INO80: variants seen among roughly 807,000 people sequenced by gnomAD.
INO80 encodes the protein INO80 complex ATPase subunit.
In INO80, 20 loss-of-function variants were observed where a neutral mutation model predicts 203.4. That is an observed-to-expected ratio of 0.10 (90% CI 0.07 to 0.14). The LOEUF (loss-of-function observed/expected upper bound fraction) is 0.14, where lower values mean the gene tolerates loss of function less well. Among genes scored for constraint, INO80 ranks in the 10% least tolerant of loss-of-function variants. INO80 has a pLI of 1.00. For synonymous variants in INO80, 726 were observed against 685.2 expected (o/e 1.06, Z -0.93); for missense variants, 1,419 against 1,914.4 (o/e 0.74, Z 4.83).
At chr15:40,991,306 G>T (rs550581428) in intron 29 of INO80, among the ~76,000 whole-genome samples, 1 of 152,252 alleles carries the variant, frequency 6.6e-6, no homozygotes, top group East Asian at 1.9e-4. Flanking sequence ...CTGTGCAGCG[G>T]AAAATATGAA....
At chr15:40,997,652 G>A in intron 28 of INO80, 51 bp from the exon 29 acceptor site, 3 of 1,209,168 alleles carry the variant, frequency 2.5e-6, no homozygotes, top group Non-Finnish European at 3.7e-6. Flanking sequence ...AGAAAAAATG[G>A]CATGTATCAA....
At chr15:41,104,799 C>A (rs1399711310) in intron 1 of INO80, among the ~76,000 whole-genome samples, 1 of 152,124 alleles carries the variant, frequency 6.6e-6, no homozygotes, top group Non-Finnish European at 1.5e-5. Flanking sequence ...CTTGGCCTCC[C>A]AAAGTGCTGG....
intron 26 of INO80, among the ~76,000 whole-genome samples, chr15:41,019,787 C>T (rs1208053545): frequency 6.6e-6 from 1 of 152,228 alleles, no homozygotes; most frequent in Non-Finnish European, 1.5e-5. Context: ...CAGGCTGGGG[C>T]AAACCCCTTG....
chr15:40,997,606 A>C lies in INO80; in HGVS notation c.3498-5T>G. Reference sequence around the variant, plus strand: ...AGGAACACAAAGATGTCATTCCTGCAGAAAAGGGAGAGATATGTTAAAGGA... The same window carrying C: ...AGGAACACAAAGATGTCATTCCTGCCGAAAAGGGAGAGATATGTTAAAGGA... On this transcript the variant is annotated splice_polypyrimidine_tract_variant and splice_region_variant and intron_variant, in intron 28 of 35. Transcript: ENST00000648947. The C allele has an allele frequency of 2.2e-5, 35 of 1,602,676 alleles. No individual in the cohort carries two copies. Among genetic ancestry groups the C allele is most frequent in the Non-Finnish European group, 3.0e-5 (35 of 1,169,670 alleles).
intron 1 of INO80, among the ~76,000 whole-genome samples, chr15:41,111,836 G>GA (rs1018968497): frequency 2.0e-4 from 29 of 146,822 alleles, no homozygotes; most frequent in African/African-American, 3.5e-4. Context: ...CGGGGAGGAG[G>GA]AAAAAAAAAA....
intron 5 of INO80, among the ~76,000 whole-genome samples, chr15:41,088,783 T>C (rs2045595513): frequency 6.6e-6 from 1 of 152,208 alleles, no homozygotes; most frequent in South Asian, 2.1e-4. Context: ...ACTATTACAA[T>C]GTCCTCTGTT....
rs537247792 is a variant in INO80 at position 41,058,937 on chromosome 15, T to C, written c.1843-156A>G. Among the ~76,000 whole-genome samples, 3 of 152,170 alleles carry C rather than the reference T, an allele frequency of 2.0e-5. No individual in the cohort carries two copies. The East Asian group carries it at 5.8e-4, about 29-fold the overall frequency. ...GGGAGATGTGCAGTGAAGTGAACCA[T>C]ACTGTGGGGTTTTGTCTGTTGTTTT... On this transcript the variant is annotated intron_variant, in intron 15 of 35. Transcript: ENST00000648947.
intron 1 of INO80, among the ~76,000 whole-genome samples, 175 bp downstream of exon 1, chr15:41,115,798 G>C (rs1223171472): frequency 6.6e-6 from 1 of 152,206 alleles, no homozygotes; most frequent in Non-Finnish European, 1.5e-5. Context: ...TAGTCCCTGA[G>C]GTCCCAACCC....
chr15:41,039,450 T>A (rs148717969), intron 24 of INO80, among the ~76,000 whole-genome samples: 1 of 152,248 alleles, frequency 6.6e-6, no homozygotes, highest in Non-Finnish European at 1.5e-5. Flanking sequence ...ATTTTCAATA[T>A]GTGCATGAGT....
At chr15:41,016,693 C>A (rs570747701) in intron 26 of INO80, 1 of 152,252 alleles carries the variant, frequency 6.6e-6, no homozygotes, top group Non-Finnish European at 1.5e-5. Flanking sequence ...TAACCTCTCT[C>A]TTTTTTTTCC....
chr15:40,983,684 G>T, intron 34 of INO80, 78 bp downstream of exon 34: 4 of 1,259,076 alleles, frequency 3.2e-6, no homozygotes, highest in Non-Finnish European at 4.6e-6. Context: ...ATCCTAGAAG[G>T]AATCAGGACC....
Position 40,980,411 on chromosome 15 carries a change from A to C in INO80, c.4483T>G (p.Ser1495Ala). The change falls in exon 36 of 36, where the codon TCC becomes GCC. Residue 1495 changes from serine (S) to alanine (A), a missense_variant. Physicochemically the swap from Ser to Ala is moderately conservative, Grantham distance 99. Transcript: ENST00000648947. ...GISASSPLQT[S>A]LVRPAGLADF... ...GCAAGGCCAGCAGGCCGAACAAGGG[A>C]TGTCTGCAGAGGACTGCTGGCGGAG... is the stretch of plus-strand genomic sequence containing the variant. The C allele has an allele frequency of 6.2e-7, 1 of 1,613,646 alleles. No homozygotes were observed. The highest frequency in any genetic ancestry group is 1.1e-5 in the South Asian group (1 of 91,028).
Position 41,032,023 on chromosome 15 carries a change from C to G in INO80, c.2908-4287G>C, listed in dbSNP as rs2927064. Among the ~76,000 whole-genome samples the G allele has an allele frequency of 1.2e-3, 102 of 82,550 alleles. 1 individual carries two copies. The highest frequency in any genetic ancestry group is 2.1e-3 in the South Asian group (4 of 1,870). The allele number at this position is 82,550 out of a possible 152,430, so 54.2% of individuals were successfully genotyped here. ...GACAGCACAGCACAGCACAGCACAG[C>G]ACAGCACAGCACAGCACAGCACAGC... On this transcript the variant is annotated intron_variant, in intron 24 of 35. Transcript: ENST00000648947.
At chr15:41,105,316 G>A (rs553155948) in intron 1 of INO80, among the ~76,000 whole-genome samples, 1 of 152,232 alleles carries the variant, frequency 6.6e-6, no homozygotes, top group East Asian at 1.9e-4. Flanking sequence ...AATTCCAAGT[G>A]GGGATCCAAA....
At chr15:41,112,690 A>G (rs1385823699) in intron 1 of INO80, among the ~76,000 whole-genome samples, 1 of 149,684 alleles carries the variant, frequency 6.7e-6, no homozygotes, top group Non-Finnish European at 1.5e-5. Flanking sequence ...TGGGAGAATG[A>G]AGCAGGAGAA....
At chr15:41,015,215 C>A (rs1195694171) in intron 27 of INO80, among the ~76,000 whole-genome samples, 1 of 152,196 alleles carries the variant, frequency 6.6e-6, no homozygotes, top group Non-Finnish European at 1.5e-5. Context: ...TTTCCACTAA[C>A]TTAGTAGCTG....
intron 24 of INO80, among the ~76,000 whole-genome samples, chr15:41,044,540 GT>G (rs2044720631): frequency 6.6e-6 from 1 of 152,032 alleles, no homozygotes; most frequent in African/African-American, 2.4e-5. Context: ...TTAATTGTTG[GT>G]TTGTCTTTTT....
At chr15:41,023,929 A>C (rs1027033523) in intron 25 of INO80, among the ~76,000 whole-genome samples, 1 of 152,000 alleles carries the variant, frequency 6.6e-6, no homozygotes. Context: ...TATTGGAATT[A>C]TACATAAAGA....
chr15:41,033,274 T>C (rs2044518172), intron 24 of INO80, among the ~76,000 whole-genome samples: 1 of 152,158 alleles, frequency 6.6e-6, no homozygotes, highest in South Asian at 2.1e-4. Context: ...GGCTCTCTTT[T>C]TTGTCTTTAT....
Sources: gnomAD v4.1 joint callset for allele counts (sites outside exome capture counted in the v4.1 genomes callset) on GRCh38, gnomAD v4.1.1 for gene constraint, MANE v1.5 for transcripts, NCBI Gene and HGNC (gene_info 2026-07-23, HGNC 2026-07-21) for gene names.